Variants in TENM3 observed in about 807,000 individuals in gnomAD.
TENM3 encodes the protein teneurin-3.
In TENM3, 63 loss-of-function variants were observed where a neutral mutation model predicts 255.1. The observed-to-expected ratio is 0.25, with a 90% CI of 0.20 to 0.30. The LOEUF (loss-of-function observed/expected upper bound fraction) is 0.30, where lower values mean the gene tolerates loss of function less well. Ranked by LOEUF, TENM3 falls within the 10% of genes least tolerant of loss-of-function variation. The pLI, the probability that TENM3 is intolerant of heterozygous loss-of-function variation, is 1.00. For synonymous variants in TENM3, 1,306 were observed against 1,322.3 expected (o/e 0.99, Z 0.27); for missense variants, 2,929 against 3,461.1 (o/e 0.85, Z 3.86).
At chr4:181,984,260 A>G in the TENM3 span, among the ~76,000 whole-genome samples, 1 of 152,106 alleles carries the variant, frequency 6.6e-6, no homozygotes, top group East Asian at 1.9e-4. Flanking sequence ...GTTGTATTTA[A>G]TACAAATACA....
the TENM3 span, among the ~76,000 whole-genome samples, chr4:181,670,556 C>T: frequency 1.3e-5 from 2 of 152,166 alleles, no homozygotes; most frequent in Admixed American, 1.3e-4. Context: ...TTTGAAAATA[C>T]TAGCAATATT....
At chr4:181,742,192 G>A in the TENM3 span, among the ~76,000 whole-genome samples, 1 of 151,580 alleles carries the variant, frequency 6.6e-6, no homozygotes, top group East Asian at 1.9e-4. Context: ...GAAATATATA[G>A]AAAAAAAGTA....
At chr4:182,006,574 C>T in the TENM3 span, among the ~76,000 whole-genome samples, 1 of 151,842 alleles carries the variant, frequency 6.6e-6, no homozygotes, top group African/African-American at 2.4e-5. Context: ...GTGGTGATAT[C>T]CCCTTTATCA....
chr4:182,002,189 T>G, the TENM3 span, among the ~76,000 whole-genome samples: 34 of 152,222 alleles, frequency 2.2e-4, no homozygotes, highest in African/African-American at 7.9e-4. Flanking sequence ...CTTTCAAAAA[T>G]AGACAGAAGT....
intron 4 of TENM3, among the ~76,000 whole-genome samples, chr4:182,628,209 C>T (rs912062383): frequency 4.6e-5 from 7 of 152,064 alleles, no homozygotes; most frequent in African/African-American, 1.7e-4. Context: ...CATGCATACT[C>T]GTGTTTATAT....
chr4:182,282,722 G>A (rs904622459), intron 1 of TENM3, among the ~76,000 whole-genome samples: 2 of 151,740 alleles, frequency 1.3e-5, no homozygotes, highest in African/African-American at 4.8e-5. Context: ...GTGAAACCCC[G>A]TCTCTACTAA....
intron 1 of TENM3, among the ~76,000 whole-genome samples, chr4:182,234,625 G>C (rs181783146): frequency 6.6e-6 from 1 of 152,010 alleles, no homozygotes; most frequent in Non-Finnish European, 1.5e-5. Context: ...CCAGCTACTC[G>C]GGAGGCTGAG....
At chr4:181,592,076 G>C in the TENM3 span, among the ~76,000 whole-genome samples, 1 of 152,174 alleles carries the variant, frequency 6.6e-6, no homozygotes, top group Non-Finnish European at 1.5e-5. Flanking sequence ...GACTGCAAAG[G>C]ATAAGAGGAG....
chr4:182,743,633 A>T (rs550880869), intron 19 of TENM3, among the ~76,000 whole-genome samples: 72 of 152,318 alleles, frequency 4.7e-4, no homozygotes, highest in African/African-American at 1.7e-3. Flanking sequence ...AAGTCACCCA[A>T]TATATCAAAT....
At chr4:181,805,888 T>C in the TENM3 span, among the ~76,000 whole-genome samples, 1 of 152,148 alleles carries the variant, frequency 6.6e-6, no homozygotes, top group African/African-American at 2.4e-5. Context: ...TGTCCAGCTC[T>C]CCATCTGTGG....
At chr4:182,242,020 C>CTTTTTT (rs201648379), upstream of TENM3, among the ~76,000 whole-genome samples, 5 of 133,582 alleles carry the variant, frequency 3.7e-5, no homozygotes, top group African/African-American at 6.1e-5. Context: ...TTTTTCCTCT[C>CTTTTTT]TCTTTTTTTT....
At chr4:182,587,125 C>A (rs531394817) in intron 3 of TENM3, among the ~76,000 whole-genome samples, 4 of 152,044 alleles carry the variant, frequency 2.6e-5, no homozygotes, top group African/African-American at 9.7e-5. Context: ...CAGTCTCACT[C>A]TGTTGCCCAG....
the TENM3 span, among the ~76,000 whole-genome samples, chr4:181,578,131 G>A: frequency 2.6e-5 from 4 of 152,232 alleles, no homozygotes; most frequent in Admixed American, 2.0e-4. Flanking sequence ...TCTGTGCTGG[G>A]AAGGTGAGCA....
the TENM3 span, among the ~76,000 whole-genome samples, chr4:181,513,151 A>G: frequency 1.3e-5 from 2 of 152,184 alleles, no homozygotes. Flanking sequence ...TGTTATTTAT[A>G]CCATTTTGAG....
the TENM3 span, among the ~76,000 whole-genome samples, chr4:181,664,790 C>G: frequency 6.6e-6 from 1 of 152,186 alleles, no homozygotes; most frequent in Admixed American, 6.5e-5. Context: ...GCTGTGCAAG[C>G]TGCACATTGA....
At chr4:182,721,574 T>A (rs1759738048) in intron 13 of TENM3, among the ~76,000 whole-genome samples, 1 of 152,160 alleles carries the variant, frequency 6.6e-6, no homozygotes, top group South Asian at 2.1e-4. Context: ...ATATGAATCT[T>A]TGTGTAAATG....
the TENM3 span, among the ~76,000 whole-genome samples, chr4:181,469,890 G>A: frequency 6.6e-6 from 1 of 151,854 alleles, no homozygotes; most frequent in Non-Finnish European, 1.5e-5. Flanking sequence ...GTCATTTTAT[G>A]TACAGATACA....
chr4:182,606,195 G>A (rs182339728), intron 4 of TENM3, among the ~76,000 whole-genome samples: 170 of 152,230 alleles, frequency 1.1e-3, no homozygotes, highest in African/African-American at 4.0e-3. Context: ...TCTTCTCAGA[G>A]TTTCAAGAGA....
chr4:182,404,304 A>G (rs1291864048), intron 3 of TENM3, among the ~76,000 whole-genome samples: 4 of 152,238 alleles, frequency 2.6e-5, no homozygotes, highest in African/African-American at 9.6e-5. Flanking sequence ...AAAGTATTCA[A>G]TCTAAATCCT....
Sources: gnomAD v4.1 joint callset for allele counts (sites outside exome capture counted in the v4.1 genomes callset) on GRCh38, gnomAD v4.1.1 for gene constraint, MANE v1.5 for transcripts, NCBI Gene and HGNC (gene_info 2026-07-23, HGNC 2026-07-21) for gene names.